ITSN1: variants seen among roughly 807,000 people sequenced by gnomAD.
The protein encoded by ITSN1 is intersectin 1.
In ITSN1, 58 loss-of-function variants were observed where a neutral mutation model predicts 239.8. That is an observed-to-expected ratio of 0.24 (90% CI 0.20 to 0.30). The LOEUF (loss-of-function observed/expected upper bound fraction) is 0.30. Among genes scored for constraint, ITSN1 ranks in the 10% least tolerant of loss-of-function variants. The pLI is 1.00. For missense variants in ITSN1, 1,558 were observed against 2,103.3 expected, an observed-to-expected ratio of 0.74 and a Z score of 5.07; for synonymous variants, 780 against 770.8, an observed-to-expected ratio of 1.01 and a Z score of -0.20.
At chr21:33,848,180 C>G (rs1454578347) in intron 29 of ITSN1, among the ~76,000 whole-genome samples, 1 of 152,232 alleles carries the variant, frequency 6.6e-6, no homozygotes, top group African/African-American at 2.4e-5. Context: ...CCCAGGACAT[C>G]AGAATATGAC....
At chr21:33,725,124 T>A (rs1239802383) in intron 4 of ITSN1, among the ~76,000 whole-genome samples, 1 of 124,450 alleles carries the variant, frequency 8.0e-6, no homozygotes, top group African/African-American at 3.4e-5. Context: ...AAAAAAATTT[T>A]TTTTTTTTGT....
intron 1 of ITSN1, among the ~76,000 whole-genome samples, chr21:33,646,516 T>A (rs2087968785): frequency 6.6e-6 from 1 of 152,224 alleles, no homozygotes. Flanking sequence ...TTTCAAGAGT[T>A]CACCACAGGG....
chr21:33,793,444 GC>G (rs1429824444), intron 16 of ITSN1, among the ~76,000 whole-genome samples: 2 of 152,166 alleles, frequency 1.3e-5, no homozygotes, highest in Non-Finnish European at 2.9e-5. Context: ...TTTATCGCTG[GC>G]CCACATAAGA....
chr21:33,781,956 A>G (rs1388762610), intron 15 of ITSN1, 38 bp from the exon 16 acceptor site: 1 of 1,547,254 alleles, frequency 6.5e-7, no homozygotes, highest in African/African-American at 1.4e-5. Flanking sequence ...ACTGCAAATT[A>G]AAGTTTTTCT....
intron 11 of ITSN1, 62 bp downstream of exon 11, chr21:33,767,890 C>A: frequency 3.2e-6 from 3 of 932,040 alleles, no homozygotes; most frequent in Non-Finnish European, 5.1e-6. Flanking sequence ...GATTTCCTAT[C>A]TCTAAGACAA....
At position 33,875,531 on chromosome 21, in the gene ITSN1, C is replaced by T. The variant is rs779247365; in HGVS notation, c.4341+10C>T. 2 of 1,611,484 alleles carry T rather than the reference C, an allele frequency of 1.2e-6. No individual in the cohort carries two copies. Among genetic ancestry groups the T allele is most frequent in the Non-Finnish European group, 1.7e-6 (2 of 1,178,120 alleles). On this transcript the variant is annotated intron_variant, in intron 34 of 39. Transcript: ENST00000381318. ...TGAAGGCCTGTCTGAGGTAGCCAAC[C>T]TTGGGGCTGGGCCCTGGTCTCCCCC...
intron 38 of ITSN1, 110 bp downstream of exon 38, chr21:33,885,632 A>G: frequency 1.2e-6 from 1 of 806,270 alleles, no homozygotes; most frequent in South Asian, 1.5e-5. Flanking sequence ...ATACTCCCTG[A>G]TCTCCTTCCA....
intron 1 of ITSN1, among the ~76,000 whole-genome samples, chr21:33,673,639 G>A (rs754171578): frequency 2.6e-5 from 4 of 151,162 alleles, no homozygotes; most frequent in Admixed American, 6.6e-5. Flanking sequence ...GTGTCTTGTC[G>A]GAACCTACCC....
intron 1 of ITSN1, among the ~76,000 whole-genome samples, chr21:33,660,069 C>G (rs2089434986): frequency 6.6e-6 from 1 of 152,100 alleles, no homozygotes; most frequent in Admixed American, 6.6e-5. Context: ...TCTGAAAGGT[C>G]GTTTGAATTC....
chr21:33,658,351 T>C (rs895477890), intron 1 of ITSN1, among the ~76,000 whole-genome samples: 9 of 152,140 alleles, frequency 5.9e-5, no homozygotes, highest in Non-Finnish European at 1.0e-4. Flanking sequence ...CTCATGTTAT[T>C]CAAGGGTCAA....
At chr21:33,800,952 G>GCCTCCCTGCAACCTCTT (rs2071953999) in intron 19 of ITSN1, among the ~76,000 whole-genome samples, 3 of 150,384 alleles carry the variant, frequency 2.0e-5, no homozygotes, top group Admixed American at 2.0e-4. Flanking sequence ...TGCAACCTCT[G>GCCTCCCTGCAACCTCTT]CCTCCCGGGC....
Position 33,826,871 on chromosome 21 carries a change from A to G in ITSN1, c.3229+8A>G. On this transcript the variant is annotated splice_region_variant and intron_variant, in intron 26 of 39. Coordinates refer to ENST00000381318, the MANE Select transcript of ITSN1 (RefSeq NM_003024.3). ...GTTTAGGAAAAAAACCTGGTAAGTT[A>G]CAAACCCTGATGCTTACTTTTCAAT... 6.2e-7 allele frequency: 1 copy of G among 1,610,480 alleles called. No homozygotes were observed. Among genetic ancestry groups the G allele is most frequent in the Non-Finnish European group, 8.5e-7 (1 of 1,176,690 alleles).
At chr21:33,788,460 G>GT (rs764042543) in intron 16 of ITSN1, among the ~76,000 whole-genome samples, 5 of 152,244 alleles carry the variant, frequency 3.3e-5, no homozygotes, top group Admixed American at 6.5e-5. Flanking sequence ...GCCAGGTGCA[G>GT]TGGCTCATGC....
chr21:33,762,844 A>G (rs557030589), intron 9 of ITSN1, among the ~76,000 whole-genome samples: 2 of 151,286 alleles, frequency 1.3e-5, no homozygotes, highest in African/African-American at 2.4e-5. Context: ...TTGTTTTTTT[A>G]GTAGAGACAG....
chr21:33,844,709 C>T (rs898570632), intron 29 of ITSN1, among the ~76,000 whole-genome samples: 2 of 152,054 alleles, frequency 1.3e-5, no homozygotes, highest in Admixed American at 6.5e-5. Flanking sequence ...CCCAGGAGAG[C>T]GAGCCTGCAG....
At position 33,722,616 on chromosome 21, in the gene ITSN1, A is replaced by G. The variant is rs140646821; in HGVS notation, c.150A>G (p.Gln50=). The G allele has an allele frequency of 8.3e-6, 13 of 1,573,782 alleles. No homozygotes were observed. Among genetic ancestry groups the G allele is most frequent in the Non-Finnish European group, 1.0e-5 (12 of 1,167,092 alleles). Reference sequence around the variant, plus strand: ...ATCAAGCTAGAAACTTTTTTTTTCAATCTGGGTTACCTCAACCTGTTTTAG... The same window carrying G: ...ATCAAGCTAGAAACTTTTTTTTTCAGTCTGGGTTACCTCAACCTGTTTTAG... The part of the protein sequence containing the change: ...TGDQARNFFF[Q]SGLPQPVLAQ... Residue 50 remains glutamine (Q), a synonymous_variant, in exon 4 of 40, where the codon CAA becomes CAG. Coordinates refer to ENST00000381318, the MANE Select transcript of ITSN1 (RefSeq NM_003024.3).
At chr21:33,790,644 C>T (rs988999290) in intron 16 of ITSN1, among the ~76,000 whole-genome samples, 8 of 152,090 alleles carry the variant, frequency 5.3e-5, no homozygotes, top group African/African-American at 1.7e-4. Context: ...ACTTTTGATT[C>T]GTGGTAATTT....
At chr21:33,724,114 TG>T (rs938499579) in intron 4 of ITSN1, among the ~76,000 whole-genome samples, 11 of 151,930 alleles carry the variant, frequency 7.2e-5, no homozygotes, top group African/African-American at 1.7e-4. Context: ...TGTGTGTGTG[TG>T]TATTTGGATA....
intron 20 of ITSN1, among the ~76,000 whole-genome samples, chr21:33,808,052 T>TC (rs1225790515): frequency 1.3e-5 from 2 of 151,668 alleles, no homozygotes; most frequent in African/African-American, 4.8e-5. Flanking sequence ...CCGGGCGCGG[T>TC]GGCGGGCGCC....
Sources: gnomAD v4.1 joint callset for allele counts (sites outside exome capture counted in the v4.1 genomes callset) on GRCh38, gnomAD v4.1.1 for gene constraint, MANE v1.5 for transcripts, NCBI Gene and HGNC (gene_info 2026-07-23, HGNC 2026-07-21) for gene names.